The following NXPE2 variants were observed in gnomAD, a reference collection of about 807,000 sequenced individuals.
NXPE2 encodes neurexophilin and PC-esterase domain family member 2.
A neutral mutation model predicts 34.4 loss-of-function variants in NXPE2; 34 were observed. The ratio of observed to expected loss-of-function variants is 0.99; its 90% CI spans 0.75 to 1.31. The LOEUF is 1.31. NXPE2 is among the 40% of genes most tolerant of loss of function. The pLI is 0.00. For synonymous variants in NXPE2, 235 were observed against 231.3 expected, an observed-to-expected ratio of 1.02 and a Z score of -0.15; for missense variants, 649 against 672.5, an observed-to-expected ratio of 0.97 and a Z score of 0.39.
the NXPE2 span, among the ~76,000 whole-genome samples, chr11:114,670,821 C>T: frequency 6.6e-6 from 1 of 151,646 alleles, no homozygotes; most frequent in African/African-American, 2.4e-5. Context: ...AATTATAAGA[C>T]ATGCAAAGAA....
chr11:114,650,595 G>A, the NXPE2 span, among the ~76,000 whole-genome samples: 1 of 152,302 alleles, frequency 6.6e-6, no homozygotes, highest in East Asian at 1.9e-4. Flanking sequence ...ACTGCAAAGG[G>A]AGGAGGTGGA....
chr11:114,512,681 T>TG, the NXPE2 span: 1 of 154,634 alleles, frequency 6.5e-6, no homozygotes, highest in Non-Finnish European at 1.4e-5. Context: ...TTAAAGTGAT[T>TG]GGGGCAGTTG....
the NXPE2 span, among the ~76,000 whole-genome samples, chr11:114,715,298 T>C: frequency 6.6e-6 from 1 of 152,218 alleles, no homozygotes; most frequent in Non-Finnish European, 1.5e-5. Flanking sequence ...TTTTCAGAGA[T>C]TCATGCTTAT....
At chr11:114,634,560 T>A in the NXPE2 span, among the ~76,000 whole-genome samples, 2 of 151,958 alleles carry the variant, frequency 1.3e-5, no homozygotes, top group African/African-American at 2.4e-5. Flanking sequence ...CTGAATGGTA[T>A]TGCCTAGGTT....
At chr11:114,489,534 G>A in the NXPE2 span, among the ~76,000 whole-genome samples, 21 of 152,142 alleles carry the variant, frequency 1.4e-4, no homozygotes, top group African/African-American at 5.1e-4. Context: ...TCATCCCTGG[G>A]ATGCAAGGCT....
chr11:114,698,554 C>A lies in NXPE2; in HGVS notation c.642C>A (p.Ile214=), dbSNP rs1201360886. Residue 214 remains isoleucine (I), a synonymous_variant, in exon 3 of 6, where the codon ATC becomes ATA. Coordinates refer to ENST00000389586, the MANE Select transcript of NXPE2 (RefSeq NM_182495.6). ...CAAGGAACCAAGGATGTGATAGGAT[C>A]ATCTTCACTGGCCTGTTTGCCAACA... The part of the protein sequence containing the change: ...WRARNQGCDR[I]IFTGLFANRS... The A allele has an allele frequency of 4.3e-6, 7 of 1,614,150 alleles. No homozygotes were observed. Among genetic ancestry groups the A allele is most frequent in the Non-Finnish European group, 5.9e-6 (7 of 1,180,008 alleles).
At chr11:114,477,904 G>A in the NXPE2 span, among the ~76,000 whole-genome samples, 6 of 152,072 alleles carry the variant, frequency 3.9e-5, no homozygotes, top group Non-Finnish European at 7.4e-5. Flanking sequence ...TTCTTGATAA[G>A]TAAAGTATTG....
intron 2 of NXPE2, among the ~76,000 whole-genome samples, chr11:114,692,739 G>T (rs77560874): frequency 6.6e-6 from 1 of 152,158 alleles, no homozygotes; most frequent in East Asian, 1.9e-4. Flanking sequence ...CTTCTCTGAT[G>T]AATCCAAGCA....
the NXPE2 span, among the ~76,000 whole-genome samples, chr11:114,774,008 C>T: frequency 7.2e-5 from 11 of 152,346 alleles, no homozygotes; most frequent in Non-Finnish European, 1.3e-4. Context: ...TCTCTCTCTA[C>T]GGCCCTCAGT....
At chr11:114,621,466 T>G in the NXPE2 span, among the ~76,000 whole-genome samples, 1 of 152,152 alleles carries the variant, frequency 6.6e-6, no homozygotes, top group Non-Finnish European at 1.5e-5. Flanking sequence ...GGATAATAAG[T>G]ATTGCCTCAT....
the NXPE2 span, among the ~76,000 whole-genome samples, chr11:114,608,684 C>T: frequency 6.6e-6 from 1 of 151,546 alleles, no homozygotes; most frequent in African/African-American, 2.4e-5. Context: ...AGCATTGCCT[C>T]CCAGGTAACC....
chr11:114,532,581 G>C, the NXPE2 span, among the ~76,000 whole-genome samples: 1 of 151,996 alleles, frequency 6.6e-6, no homozygotes, highest in East Asian at 1.9e-4. Context: ...ATATAACAAG[G>C]AAAAACAAAC....
chr11:114,682,808 C>A (rs1950971257), intron 2 of NXPE2, among the ~76,000 whole-genome samples: 1 of 150,516 alleles, frequency 6.6e-6, no homozygotes. Flanking sequence ...TTTAAGAAAA[C>A]ATTGCTAGCA....
At chr11:114,648,307 G>C in the NXPE2 span, among the ~76,000 whole-genome samples, 37 of 152,188 alleles carry the variant, frequency 2.4e-4, no homozygotes, top group Admixed American at 6.5e-4. Context: ...AAAGCTGGTA[G>C]GTTGAAGGTC....
intron 2 of NXPE2, among the ~76,000 whole-genome samples, chr11:114,683,449 T>C (rs1950983415): frequency 7.0e-6 from 1 of 142,374 alleles, no homozygotes; most frequent in Non-Finnish European, 1.5e-5. Flanking sequence ...TGAGATGGAG[T>C]CTTGCTCTGT....
the NXPE2 span, among the ~76,000 whole-genome samples, chr11:114,632,714 AATAT>A: frequency 1.4e-5 from 1 of 74,068 alleles, no homozygotes; most frequent in Non-Finnish European, 2.3e-5. Flanking sequence ...AATATAATAT[AATAT>A]ATATAATATA....
At chr11:114,678,375 G>A (rs2135526735), upstream of NXPE2, 1 of 465,562 alleles carries the variant, frequency 2.1e-6, no homozygotes, top group South Asian at 3.3e-5. Context: ...TTTTCCTTCT[G>A]GCTCTGTGGT....
At chr11:114,526,044 G>C in the NXPE2 span, among the ~76,000 whole-genome samples, 1 of 152,210 alleles carries the variant, frequency 6.6e-6, no homozygotes, top group Admixed American at 6.5e-5. Flanking sequence ...GTCCTCAAAA[G>C]TGGAAGAGGG....
At chr11:114,632,230 T>C in the NXPE2 span, among the ~76,000 whole-genome samples, 14 of 140,666 alleles carry the variant, frequency 1.0e-4, no homozygotes, top group Non-Finnish European at 2.1e-4. Context: ...TATATATGTA[T>C]AATATATATG....
Sources: gnomAD v4.1 joint callset for allele counts (sites outside exome capture counted in the v4.1 genomes callset) on GRCh38, gnomAD v4.1.1 for gene constraint, MANE v1.5 for transcripts, NCBI Gene and HGNC (gene_info 2026-07-23, HGNC 2026-07-21) for gene names.